RGS20: variants seen among roughly 807,000 people sequenced by gnomAD.
The protein encoded by RGS20 is regulator of G protein signaling 20, also known as gz-selective GTPase-activating protein.
A neutral mutation model predicts 33.6 loss-of-function variants in RGS20; 30 were observed. The observed-to-expected ratio is 0.89, with a 90% CI of 0.67 to 1.21. The LOEUF is 1.21. RGS20 is among the 50% of genes most tolerant of loss of function. The pLI, the probability that RGS20 is intolerant of heterozygous loss-of-function variation, is 0.00. For missense variants in RGS20, 472 were observed against 502.4 expected, an observed-to-expected ratio of 0.94 and a Z score of 0.58; for synonymous variants, 208 against 197.9, an observed-to-expected ratio of 1.05 and a Z score of -0.43.
At chr8:53,947,207 A>G in intron 4 of RGS20, among the ~76,000 whole-genome samples, 1 of 144,580 alleles carries the variant, frequency 6.9e-6, no homozygotes, top group East Asian at 2.0e-4. Context: ...GCTATATAAG[A>G]TATAGCATAT....
chr8:53,947,979 GAT>G (rs1309115787), intron 4 of RGS20, among the ~76,000 whole-genome samples: 2 of 132,038 alleles, frequency 1.5e-5, no homozygotes, highest in Non-Finnish European at 3.1e-5. Flanking sequence ...CTATATATAA[GAT>G]AGTATATATA....
At chr8:53,955,064 CAGGTCCACAGTCAAAG>C (rs1179784768) in intron 5 of RGS20, among the ~76,000 whole-genome samples, 3 of 151,144 alleles carry the variant, frequency 2.0e-5, no homozygotes, top group South Asian at 2.1e-4. Context: ...AGCCGCTCTG[CAGGTCCACAGTCAAAG>C]GGATCTGAAT....
intron 3 of RGS20, among the ~76,000 whole-genome samples, chr8:53,942,227 T>C (rs1374125026): frequency 2.0e-5 from 3 of 152,022 alleles, no homozygotes; most frequent in African/African-American, 7.2e-5. Flanking sequence ...GAGCCGAGAT[T>C]GCACCATTGC....
chr8:53,851,795 A>G lies in RGS20; in HGVS notation c.-105A>G. The G allele has an allele frequency of 8.0e-7, 1 of 1,256,380 alleles. No homozygotes were observed. Among genetic ancestry groups the G allele is most frequent in the East Asian group, 2.3e-5 (1 of 42,692 alleles). 77.8% of individuals were successfully genotyped at this position (1,256,380 alleles called of 1,614,324 possible). On this transcript the variant is annotated 5_prime_UTR_variant, in exon 1 of 6. Transcript: ENST00000297313. Reference sequence around the variant, plus strand: ...TTTGGAGAAGTCTCCCCACAGATTCAGAGCCAGCCCAGCATTAACCAAACA... The same window carrying G: ...TTTGGAGAAGTCTCCCCACAGATTCGGAGCCAGCCCAGCATTAACCAAACA...
intron 3 of RGS20, among the ~76,000 whole-genome samples, chr8:53,943,250 A>G (rs1814362504): frequency 1.3e-5 from 2 of 152,080 alleles, no homozygotes; most frequent in African/African-American, 4.8e-5. Flanking sequence ...TTTTCACCAC[A>G]CTTTTGAGAT....
At chr8:53,859,665 G>T (rs968629771) in intron 1 of RGS20, among the ~76,000 whole-genome samples, 1 of 152,162 alleles carries the variant, frequency 6.6e-6, no homozygotes, top group Non-Finnish European at 1.5e-5. Context: ...CTGCTGTGAA[G>T]AAATACCCGA....
rs772727675 is a variant in RGS20, at chr8:53,851,799, C to G, written c.-101C>G. ...GAGAAGTCTCCCCACAGATTCAGAG[C>G]CAGCCCAGCATTAACCAAACAAAGA... On this transcript the variant is annotated 5_prime_UTR_variant, in exon 1 of 6. Transcript: ENST00000297313. 601 of 1,283,276 alleles carry G rather than the reference C, an allele frequency of 4.7e-4. 1 individual carries two copies. The highest frequency in any genetic ancestry group is 5.9e-4 in the Non-Finnish European group (545 of 926,784). The allele number at this position is 1,283,276 out of a possible 1,614,324, so 79.5% of individuals were successfully genotyped here.
chr8:53,946,862 A>G, intron 4 of RGS20, 114 bp downstream of exon 3: 1 of 807,712 alleles, frequency 1.2e-6, no homozygotes, highest in Non-Finnish European at 1.9e-6. Context: ...GTAATTTAGT[A>G]ATATCCAATC....
At position 53,958,268 on chromosome 8, in the gene RGS20, A is replaced by C. The variant is rs760869396; in HGVS notation, c.979-2A>C. 3.1e-6 allele frequency: 5 copies of C among 1,604,058 alleles called. No homozygotes were observed. The Admixed American group carries it at 8.5e-5, about 27-fold the overall frequency. On this transcript the variant is annotated splice_acceptor_variant, in intron 5 of 5. Transcript: ENST00000297313. LOFTEE classifies it high-confidence loss of function. ...ACAGCTCCTACTCGTTTCTGTCGAC[A>C]GGTGAGCTTAGACTCCCGGGTGAGA...
At chr8:53,866,157 A>G (rs1044088340) in intron 1 of RGS20, among the ~76,000 whole-genome samples, 10 of 152,166 alleles carry the variant, frequency 6.6e-5, no homozygotes, top group Non-Finnish European at 1.0e-4. Flanking sequence ...AGCTGACACA[A>G]AGTCCCAGGA....
At chr8:53,882,396 G>T (rs967856449) in intron 2 of RGS20, among the ~76,000 whole-genome samples, 1 of 152,106 alleles carries the variant, frequency 6.6e-6, no homozygotes, top group African/African-American at 2.4e-5. Flanking sequence ...GCCAGCGAGC[G>T]ACCCCAGCAG....
At chr8:53,948,119 G>GTATATATATGCTATATATATGATA (rs1814578440) in intron 4 of RGS20, among the ~76,000 whole-genome samples, 1 of 128,610 alleles carries the variant, frequency 7.8e-6, no homozygotes, top group African/African-American at 3.1e-5. Context: ...TATATAAGAT[G>GTATATATATGCTATATATATGATA]TAGTATATAT....
Position 53,939,557 on chromosome 8 carries a change from G to C in RGS20, c.511-19G>C. On this transcript the variant is annotated intron_variant, in intron 2 of 5. Coordinates refer to ENST00000297313, the MANE Select transcript of RGS20 (RefSeq NM_170587.4). ...GCTGGAACCCCCTCCCGCCCGCTTT[G>C]TTCCTCTCCCTCTTGCAGCAGATGG... 5 of 1,511,300 alleles carry C rather than the reference G, an allele frequency of 3.3e-6. No homozygotes were observed. Among genetic ancestry groups the C allele is most frequent in the Non-Finnish European group, 4.4e-6 (5 of 1,126,306 alleles). The allele number at this position is 1,511,300 out of a possible 1,614,324, so 93.6% of individuals were successfully genotyped here.
chr8:53,862,310 A>C (rs1208139397), intron 1 of RGS20, among the ~76,000 whole-genome samples: 1 of 152,160 alleles, frequency 6.6e-6, no homozygotes, highest in African/African-American at 2.4e-5. Flanking sequence ...TACAGGGAAC[A>C]CTCATATTAG....
intron 2 of RGS20, among the ~76,000 whole-genome samples, chr8:53,934,874 G>T (rs186191716): frequency 5.9e-5 from 9 of 151,984 alleles, no homozygotes. Flanking sequence ...AACACTCCTC[G>T]GCAAACGCAA....
At chr8:53,853,389 A>C (rs1811607700) in intron 1 of RGS20, among the ~76,000 whole-genome samples, 1 of 152,214 alleles carries the variant, frequency 6.6e-6, no homozygotes, top group Admixed American at 6.5e-5. Flanking sequence ...ACACCTTCCC[A>C]TGGCATCCTG....
intron 1 of RGS20, among the ~76,000 whole-genome samples, chr8:53,873,302 C>T (rs1248492920): frequency 1.3e-5 from 2 of 152,174 alleles, no homozygotes; most frequent in African/African-American, 2.4e-5. Context: ...ATAAATGACC[C>T]AGTCTCAGGT....
intron 2 of RGS20, among the ~76,000 whole-genome samples, chr8:53,889,280 C>T (rs1366575576): frequency 6.6e-6 from 1 of 151,824 alleles, no homozygotes; most frequent in Non-Finnish European, 1.5e-5. Context: ...TTTGTATTTC[C>T]CTGGCTACTA....
chr8:53,945,887 C>CAA lies in RGS20; in HGVS notation c.660-766_660-765dup, dbSNP rs35273543. Among the ~76,000 whole-genome samples, 787 of 136,424 alleles carry CAA rather than the reference C, an allele frequency of 5.8e-3. 7 individuals carry two copies. The highest frequency in any genetic ancestry group is 0.018 in the East Asian group (83 of 4,550). The allele number at this position is 136,424 out of a possible 152,430, so 89.5% of individuals were successfully genotyped here. On this transcript the variant is annotated intron_variant, in intron 3 of 5. Transcript: ENST00000297313. ...GGGCAGCAGAGCAAGACTTGGTCTC[C>CAA]AAAAAAAAAAAAATAGCATTCATAT...
Sources: allele counts gnomAD v4.1 joint callset (sites outside exome capture counted in the v4.1 genomes callset), GRCh38; gene constraint gnomAD v4.1.1; transcripts MANE v1.5; gene names NCBI Gene and HGNC (gene_info 2026-07-23, HGNC 2026-07-21).